Variants in SH3KBP1 observed in about 807,000 individuals in gnomAD.
SH3KBP1 encodes SH3 domain-containing kinase-binding protein 1.
Under a neutral mutation model 50.1 loss-of-function variants are expected in SH3KBP1, and 8 were observed. The ratio of observed to expected loss-of-function variants is 0.16; its 90% CI spans 0.09 to 0.29. SH3KBP1 has a LOEUF of 0.29. Ranked by LOEUF, SH3KBP1 falls within the 10% of genes least tolerant of loss-of-function variation. SH3KBP1 has a pLI of 1.00. For synonymous variants in SH3KBP1, 227 were observed against 218.6 expected (o/e 1.04, Z -0.34); for missense variants, 377 against 535.2 (o/e 0.70, Z 2.92).
In SH3KBP1 at chrX:19,561,072, TAAAAA is replaced by T. The variant is rs1278440852; in HGVS notation, c.1384+8026_1384+8030del. ...CTGGGCAACAGAGCAAGACCCTGTC[TAAAAA>T]AAAAAAAAAAAAAAAAAGAGCAGTC... On this transcript the variant is annotated intron_variant, in intron 13 of 17. Coordinates refer to ENST00000397821, the MANE Select transcript of SH3KBP1 (RefSeq NM_031892.3). 6.2e-5 allele frequency among the ~76,000 whole-genome samples: 3 copies of T among 48,106 alleles called. No homozygotes were observed. In the East Asian group the frequency reaches 2.0e-3, roughly 33 times the overall value. 41.8% of individuals were successfully genotyped at this position (48,106 alleles called of 115,157 possible).
chrX:19,558,381 TG>T (rs991660967), intron 13 of SH3KBP1, among the ~76,000 whole-genome samples: 2 of 112,546 alleles, frequency 1.8e-5, no homozygotes, highest in African/African-American at 6.5e-5. Flanking sequence ...TAAACTTTTA[TG>T]TAAGTTTTAC....
At position 19,564,711 on chromosome X, in the gene SH3KBP1, C is replaced by A. The variant is rs369029270; in HGVS notation, c.1384+4392G>T. ...AGAGATTCTCAGGAAATGAGACAGG[C>A]CACTCCAGGGAACACAAGTTGCACT... is the stretch of plus-strand genomic sequence containing the variant. On this transcript the variant is annotated intron_variant, in intron 13 of 17. Transcript: ENST00000397821. Among the ~76,000 whole-genome samples the A allele has an allele frequency of 4.5e-4, 50 of 111,940 alleles. 2 individuals are homozygous for A. In the South Asian group the frequency reaches 0.019, roughly 42 times the overall value.
intron 2 of SH3KBP1, among the ~76,000 whole-genome samples, chrX:19,760,041 C>CCTCTCT (rs745515349): frequency 0.025 from 1,264 of 50,396 alleles, 35 homozygotes; most frequent in Non-Finnish European, 0.027. Flanking sequence ...TCTCTCTCTC[C>CCTCTCT]CTCTCTCTCT....
At chrX:19,684,601 A>G (rs1189530944) in intron 5 of SH3KBP1, among the ~76,000 whole-genome samples, 2 of 112,755 alleles carry the variant, frequency 1.8e-5, no homozygotes, top group Non-Finnish European at 3.7e-5. Context: ...GCATGCAGAC[A>G]TGTTTCTCTA....
chrX:19,812,343 C>T (rs1238788570), intron 2 of SH3KBP1, among the ~76,000 whole-genome samples: 1 of 111,321 alleles, frequency 9.0e-6, no homozygotes, highest in East Asian at 2.8e-4. Context: ...TTCACATCTT[C>T]ACCTTCACTC....
intron 2 of SH3KBP1, among the ~76,000 whole-genome samples, chrX:19,757,165 T>G (rs1380553975): frequency 9.4e-6 from 1 of 105,961 alleles, no homozygotes; most frequent in Non-Finnish European, 1.9e-5. Flanking sequence ...TTTTTTTTTT[T>G]GCAAACAAGT....
At chrX:19,549,906 G>T in intron 14 of SH3KBP1, 68 bp downstream of exon 14, 1 of 840,488 alleles carries the variant, frequency 1.2e-6, no homozygotes, top group Non-Finnish European at 1.7e-6. Context: ...CTTAGCTAGA[G>T]TTTCTAATCT....
chrX:19,659,691 C>CTT (rs2062402298), intron 6 of SH3KBP1, among the ~76,000 whole-genome samples: 1 of 112,764 alleles, frequency 8.9e-6, no homozygotes, highest in African/African-American at 3.2e-5. Flanking sequence ...CCAGTTACCA[C>CTT]TTAGTAAGAC....
chrX:19,712,367 C>T (rs1445332924), intron 3 of SH3KBP1, among the ~76,000 whole-genome samples: 3 of 111,940 alleles, frequency 2.7e-5, no homozygotes, highest in Non-Finnish European at 5.6e-5. Flanking sequence ...GAATTTATTA[C>T]AATACATTCA....
At chrX:19,557,885 A>T (rs950138183) in intron 13 of SH3KBP1, among the ~76,000 whole-genome samples, 2 of 112,060 alleles carry the variant, frequency 1.8e-5, no homozygotes, top group Non-Finnish European at 3.8e-5. Flanking sequence ...TTACTATGAA[A>T]GAATGATAAA....
intron 2 of SH3KBP1, among the ~76,000 whole-genome samples, chrX:19,790,816 T>C (rs1473735696): frequency 9.0e-6 from 1 of 110,869 alleles, no homozygotes; most frequent in Non-Finnish European, 1.9e-5. Flanking sequence ...AAATGACCTA[T>C]GCTTCTATTT....
At chrX:19,873,148 A>G (rs1455103286) in intron 1 of SH3KBP1, among the ~76,000 whole-genome samples, 1 of 108,526 alleles carries the variant, frequency 9.2e-6, no homozygotes, top group Non-Finnish European at 1.9e-5. Flanking sequence ...TATCAAGATC[A>G]TAGAAGCTAC....
chrX:19,879,437 T>C (rs1389079068), intron 1 of SH3KBP1, among the ~76,000 whole-genome samples: 2 of 111,277 alleles, frequency 1.8e-5, no homozygotes, highest in Non-Finnish European at 3.8e-5. Flanking sequence ...AGTCTCATCA[T>C]CTGATGTCAT....
At chrX:19,660,638 G>A (rs1482269056) in intron 6 of SH3KBP1, among the ~76,000 whole-genome samples, 1 of 111,721 alleles carries the variant, frequency 9.0e-6, no homozygotes, top group African/African-American at 3.3e-5. Flanking sequence ...CCTCAAGTGC[G>A]GGTCCATGCC....
intron 2 of SH3KBP1, among the ~76,000 whole-genome samples, chrX:19,763,998 G>A (rs1479933350): frequency 4.5e-5 from 4 of 88,155 alleles, no homozygotes; most frequent in Non-Finnish European, 8.6e-5. Context: ...CTGGGTGACA[G>A]AGCAAGACTC....
At chrX:19,602,921 A>G (rs1224358717) in intron 9 of SH3KBP1, among the ~76,000 whole-genome samples, 1 of 111,831 alleles carries the variant, frequency 8.9e-6, no homozygotes, top group Non-Finnish European at 1.9e-5. Flanking sequence ...GAATCGAGCA[A>G]GAGACTTCCT....
At chrX:19,840,140 T>A (rs963301295) in intron 1 of SH3KBP1, among the ~76,000 whole-genome samples, 2 of 112,080 alleles carry the variant, frequency 1.8e-5, no homozygotes, top group Non-Finnish European at 3.8e-5. Flanking sequence ...TGTGGCTTTG[T>A]TAAGAGCTCA....
At chrX:19,569,524 G>A (rs1333288514) in intron 12 of SH3KBP1, among the ~76,000 whole-genome samples, 1 of 112,824 alleles carries the variant, frequency 8.9e-6, no homozygotes, top group Non-Finnish European at 1.9e-5. Context: ...ATAAACACTG[G>A]CTAATGATAA....
chrX:19,760,758 A>C (rs2065397640), intron 2 of SH3KBP1, among the ~76,000 whole-genome samples: 1 of 110,851 alleles, frequency 9.0e-6, no homozygotes, highest in Non-Finnish European at 1.9e-5. Context: ...TCTTGTGAAT[A>C]ATGGCACAGC....
Sources: allele counts gnomAD v4.1 joint callset (sites outside exome capture counted in the v4.1 genomes callset), GRCh38; gene constraint gnomAD v4.1.1; transcripts MANE v1.5; gene names NCBI Gene and HGNC (gene_info 2026-07-23, HGNC 2026-07-21).